PLXDC1: variants seen among roughly 807,000 people sequenced by gnomAD.
PLXDC1 encodes the protein plexin domain containing 1.
A neutral mutation model predicts 61.3 loss-of-function variants in PLXDC1; 39 were observed. That is an observed-to-expected ratio of 0.64 (90% CI 0.49 to 0.83). The LOEUF (loss-of-function observed/expected upper bound fraction) is 0.83. PLXDC1 is among the 40% of genes least tolerant of loss of function. The probability of loss-of-function intolerance (pLI) is 0.00; values close to 1 mark genes in which losing one functional copy is unlikely to be tolerated. For missense variants in PLXDC1, 596 were observed against 666.5 expected (o/e 0.89, Z 1.17); for synonymous variants, 212 against 254.5 (o/e 0.83, Z 1.59).
intron 2 of PLXDC1, among the ~76,000 whole-genome samples, chr17:39,119,723 C>T (rs187117250): frequency 7.9e-5 from 12 of 152,094 alleles, no homozygotes; most frequent in African/African-American, 1.4e-4. Context: ...CCAGCCTGGG[C>T]GACAGAGTGA....
intron 2 of PLXDC1, among the ~76,000 whole-genome samples, chr17:39,125,470 T>A (rs1911286636): frequency 6.6e-6 from 1 of 152,164 alleles, no homozygotes; most frequent in South Asian, 2.1e-4. Context: ...GGAAAAATCA[T>A]CCTATCCTGG....
At chr17:39,109,422 G>A (rs771484446) in intron 2 of PLXDC1, 31 bp from the exon 3 acceptor site, 1 of 1,559,746 alleles carries the variant, frequency 6.4e-7, no homozygotes, top group South Asian at 1.2e-5. Context: ...GCCCACAGGA[G>A]GTGTGAGTAG....
intron 7 of PLXDC1, among the ~76,000 whole-genome samples, chr17:39,098,449 G>T (rs1910302368): frequency 1.3e-5 from 2 of 152,040 alleles, no homozygotes. Context: ...CAGCAACTAG[G>T]TCCACTTTCT....
At chr17:39,135,228 T>C (rs1440776418) in intron 2 of PLXDC1, among the ~76,000 whole-genome samples, 1 of 152,238 alleles carries the variant, frequency 6.6e-6, no homozygotes, top group Non-Finnish European at 1.5e-5. Context: ...GCCCTATGGC[T>C]GTCAGAGGGA....
chr17:39,103,367 C>T (rs1359137878), intron 7 of PLXDC1, among the ~76,000 whole-genome samples: 1 of 151,960 alleles, frequency 6.6e-6, no homozygotes, highest in Non-Finnish European at 1.5e-5. Flanking sequence ...AAAACCCTGT[C>T]CATCTCTCCA....
chr17:39,087,514 C>T, intron 8 of PLXDC1, 93 bp downstream of exon 8: 1 of 981,260 alleles, frequency 1.0e-6, no homozygotes, highest in South Asian at 1.4e-5. Flanking sequence ...TAGGTGGCTG[C>T]ACAAAACAGG....
chr17:39,128,421 T>C (rs986743569), intron 2 of PLXDC1, among the ~76,000 whole-genome samples: 6 of 151,362 alleles, frequency 4.0e-5, no homozygotes, highest in East Asian at 2.0e-4. Flanking sequence ...GGTTTCATCA[T>C]GTTGGCCAGG....
Position 39,131,285 on chromosome 17 carries a change from C to T in PLXDC1, c.255+8369G>A, listed in dbSNP as rs975716700. ...CCGGGCTCCTCCACAGCACTGGAGA[C>T]GACATCTGCACTCCACCTCCTGCCT... On this transcript the variant is annotated intron_variant, in intron 2 of 13. Transcript: ENST00000315392. Among the ~76,000 whole-genome samples the T allele has an allele frequency of 3.9e-5, 6 of 152,064 alleles. No homozygotes were observed. The East Asian group carries it at 7.7e-4, about 20-fold the overall frequency.
chr17:39,141,171 A>G (rs970936067), intron 1 of PLXDC1, among the ~76,000 whole-genome samples: 4 of 152,144 alleles, frequency 2.6e-5, no homozygotes, highest in African/African-American at 9.7e-5. Context: ...CTGGGACTAT[A>G]GGCATGCGCC....
intron 2 of PLXDC1, among the ~76,000 whole-genome samples, chr17:39,122,112 G>GT (rs1911179739): frequency 2.2e-5 from 1 of 46,070 alleles, no homozygotes; most frequent in African/African-American, 6.3e-5. Context: ...AAAAAAAAAA[G>GT]GGGGGGGGGA....
chr17:39,087,533 A>C, intron 8 of PLXDC1, 74 bp downstream of exon 8: 2 of 1,178,814 alleles, frequency 1.7e-6, no homozygotes, highest in Non-Finnish European at 2.5e-6. Flanking sequence ...GGAGTCAGTC[A>C]TGGGCCTGGG....
intron 2 of PLXDC1, among the ~76,000 whole-genome samples, chr17:39,138,628 A>C (rs1012965518): frequency 6.6e-6 from 1 of 152,228 alleles, no homozygotes; most frequent in Non-Finnish European, 1.5e-5. Flanking sequence ...GAAACAGCCC[A>C]GACAGAGCCT....
At chr17:39,068,014 C>A (rs1376424501) in intron 13 of PLXDC1, 55 bp from the exon 14 acceptor site, 3 of 1,584,486 alleles carry the variant, frequency 1.9e-6, no homozygotes, top group South Asian at 1.1e-5. Context: ...CCATGGGGAC[C>A]CCACACTCCT....
chr17:39,107,688 G>GC, intron 5 of PLXDC1, 163 bp from the exon 6 acceptor site: 2 of 659,972 alleles, frequency 3.0e-6, no homozygotes. Flanking sequence ...CACTAAAGCA[G>GC]CGCGGCTTCC....
At chr17:39,119,581 A>G (rs1911093709) in intron 2 of PLXDC1, among the ~76,000 whole-genome samples, 1 of 152,048 alleles carries the variant, frequency 6.6e-6, no homozygotes, top group African/African-American at 2.4e-5. Flanking sequence ...CACCATCTCT[A>G]CAAAAAATAC....
At chr17:39,107,842 G>A (rs1216482947) in intron 5 of PLXDC1, 7 of 568,914 alleles carry the variant, frequency 1.2e-5, no homozygotes, top group Non-Finnish European at 2.2e-5. Flanking sequence ...CGGGGCTCAA[G>A]GGACATCCTG....
At chr17:39,103,132 G>A (rs1023472931) in intron 7 of PLXDC1, among the ~76,000 whole-genome samples, 9 of 151,214 alleles carry the variant, frequency 6.0e-5, no homozygotes, top group Non-Finnish European at 1.2e-4. Context: ...GGAGAATGGC[G>A]TGAACCCGGG....
At chr17:39,125,901 T>A (rs770898629) in intron 2 of PLXDC1, among the ~76,000 whole-genome samples, 1 of 152,194 alleles carries the variant, frequency 6.6e-6, no homozygotes, top group Non-Finnish European at 1.5e-5. Flanking sequence ...ACATTTTCCA[T>A]ATCTTGGATG....
chr17:39,076,404 G>C (rs1909338020), intron 11 of PLXDC1, among the ~76,000 whole-genome samples: 1 of 151,074 alleles, frequency 6.6e-6, no homozygotes, highest in Non-Finnish European at 1.5e-5. Flanking sequence ...CGAGCTGCTT[G>C]GGAGGCTGAG....
Sources: allele counts gnomAD v4.1 joint callset (sites outside exome capture counted in the v4.1 genomes callset), GRCh38; gene constraint gnomAD v4.1.1; transcripts MANE v1.5; gene names NCBI Gene and HGNC (gene_info 2026-07-23, HGNC 2026-07-21).